Variants in TUT4 observed in about 807,000 individuals in gnomAD.
TUT4 encodes terminal uridylyltransferase 4.
In TUT4, 36 loss-of-function variants were observed where a neutral mutation model predicts 192.2. The ratio of observed to expected loss-of-function variants is 0.19; its 90% confidence interval spans 0.14 to 0.25. The LOEUF is 0.25. Among genes scored for constraint, TUT4 ranks in the 10% least tolerant of loss-of-function variants. TUT4 has a pLI of 1.00. For synonymous variants in TUT4, 618 were observed against 666.0 expected (o/e 0.93, Z 1.11); for missense variants, 1,493 against 1,957.2 (o/e 0.76, Z 4.47).
intron 9 of TUT4, 109 bp from the exon 10 acceptor site, chr1:52,482,032 T>A: frequency 1.1e-6 from 1 of 890,594 alleles, no homozygotes; most frequent in Non-Finnish European, 1.5e-6. Context: ...CAAATGACAA[T>A]GAAAAATATA....
rs919559320 is a variant in TUT4, at chr1:52,502,609, C to CTTTTTTTTTTTT, written c.1000-5438_1000-5427dup. Among the ~76,000 whole-genome samples, 20 of 82,128 alleles carry CTTTTTTTTTTTT rather than the reference C, an allele frequency of 2.4e-4. 3 individuals carry two copies. The highest frequency in any genetic ancestry group is 1.0e-3 in the African/African-American group (19 of 18,640). 53.9% of individuals were successfully genotyped at this position (82,128 alleles called of 152,430 possible). A position where few individuals can be genotyped will look rare whatever the true frequency, so the allele number is the denominator to read the frequency against. ...TCATTAAGTAAGCCCTCTTAGCCCT[C>CTTTTTTTTTTTT]TTTTTTTTTTTTTTTTTTTTTTTGA... On this transcript the variant is annotated intron_variant, in intron 4 of 29. Coordinates refer to ENST00000257177, the MANE Select transcript of TUT4 (RefSeq NM_001009881.3).
At chr1:52,494,994 T>C (rs1046294365) in intron 6 of TUT4, among the ~76,000 whole-genome samples, 8 of 152,102 alleles carry the variant, frequency 5.3e-5, no homozygotes, top group Non-Finnish European at 2.9e-5. Flanking sequence ...TTAAGACACC[T>C]GACATATATT....
intron 5 of TUT4, among the ~76,000 whole-genome samples, chr1:52,495,982 A>C (rs536548900): frequency 1.3e-5 from 2 of 152,144 alleles, no homozygotes; most frequent in South Asian, 4.1e-4. Context: ...TAAACCTAAA[A>C]CCCAAAACAC....
At chr1:52,534,545 T>G (rs1350860360) in intron 1 of TUT4, among the ~76,000 whole-genome samples, 1 of 152,030 alleles carries the variant, frequency 6.6e-6, no homozygotes, top group African/African-American at 2.4e-5. Context: ...ACACCTCATT[T>G]AGTTAGGTAT....
intron 4 of TUT4, among the ~76,000 whole-genome samples, chr1:52,507,400 T>G (rs1191596664): frequency 6.6e-6 from 1 of 152,156 alleles, no homozygotes. Context: ...GGAGCCAACA[T>G]TGGGCTCAGG....
intron 24 of TUT4, 150 bp downstream of exon 24, chr1:52,445,637 A>G (rs1486707725): frequency 4.8e-6 from 3 of 621,034 alleles, no homozygotes; most frequent in Non-Finnish European, 5.6e-6. Context: ...TATATATCTC[A>G]CTATGGACTA....
chr1:52,437,897 G>C (rs146781660), intron 25 of TUT4, among the ~76,000 whole-genome samples: 1,826 of 151,988 alleles, frequency 0.012, 49 homozygotes, highest in African/African-American at 0.043. Context: ...GGAGGATGCA[G>C]TGAGCCGAGA....
intron 1 of TUT4, among the ~76,000 whole-genome samples, chr1:52,547,590 C>T (rs1440611178): frequency 6.6e-6 from 1 of 152,116 alleles, no homozygotes; most frequent in Non-Finnish European, 1.5e-5. Flanking sequence ...CACAGCAGCA[C>T]CATTCCTTAT....
chr1:52,494,468 G>GAT (rs1671966351), intron 6 of TUT4, among the ~76,000 whole-genome samples: 1 of 152,264 alleles, frequency 6.6e-6, no homozygotes, highest in African/African-American at 2.4e-5. Context: ...GAGGCAGGCG[G>GAT]ATCACCTGAG....
intron 4 of TUT4, among the ~76,000 whole-genome samples, chr1:52,498,555 G>A (rs1673095108): frequency 6.6e-6 from 1 of 151,612 alleles, no homozygotes; most frequent in Non-Finnish European, 1.5e-5. Flanking sequence ...TTTCACTTAG[G>A]ATCCATCCAA....
At chr1:52,468,959 G>A (rs997081301) in intron 14 of TUT4, among the ~76,000 whole-genome samples, 3 of 152,066 alleles carry the variant, frequency 2.0e-5, no homozygotes, top group African/African-American at 7.2e-5. Flanking sequence ...AATTTATTAA[G>A]AATTTGTTAT....
rs572566674 is a variant in TUT4, at chr1:52,543,666, T to C, written c.-94+9265A>G. Reference sequence around the variant, plus strand: ...GCCCAGGTAATTTTTGTATTTTTAGTAGGGACAGGGTTTCACCATGTTGGT... The same window carrying C: ...GCCCAGGTAATTTTTGTATTTTTAGCAGGGACAGGGTTTCACCATGTTGGT... On this transcript the variant is annotated intron_variant, in intron 1 of 29. Coordinates refer to ENST00000257177, the MANE Select transcript of TUT4 (RefSeq NM_001009881.3). Among the ~76,000 whole-genome samples the C allele has an allele frequency of 2.6e-4, 39 of 151,886 alleles. No individual in the cohort carries two copies. The South Asian group carries it at 6.9e-3, about 27-fold the overall frequency.
intron 2 of TUT4, among the ~76,000 whole-genome samples, chr1:52,521,468 C>T (rs1680249686): frequency 6.6e-6 from 1 of 151,228 alleles, no homozygotes; most frequent in South Asian, 2.1e-4. Flanking sequence ...AGTTCAAGAC[C>T]AGCCTGGCTA....
chr1:52,524,369 G>A (rs1170695908), intron 2 of TUT4, among the ~76,000 whole-genome samples: 2 of 151,670 alleles, frequency 1.3e-5, no homozygotes, highest in African/African-American at 4.8e-5. Context: ...TAAAAATACA[G>A]AAAATTAGCC....
At chr1:52,484,475 T>G (rs770917569) in intron 9 of TUT4, among the ~76,000 whole-genome samples, 1 of 152,186 alleles carries the variant, frequency 6.6e-6, no homozygotes, top group Non-Finnish European at 1.5e-5. Flanking sequence ...CACTGGATAC[T>G]GAGGACAACT....
At chr1:52,462,054 G>C (rs1557723904) in intron 16 of TUT4, 1 of 257,898 alleles carries the variant, frequency 3.9e-6, no homozygotes, top group East Asian at 9.1e-5. Flanking sequence ...GAAGCACAAA[G>C]ACAGGAGAAG....
intron 9 of TUT4, among the ~76,000 whole-genome samples, chr1:52,482,985 T>C (rs542513817): frequency 7.9e-5 from 12 of 152,334 alleles, no homozygotes; most frequent in African/African-American, 2.9e-4. Context: ...GAATCGTTTT[T>C]CCAAAATCAC....
intron 1 of TUT4, among the ~76,000 whole-genome samples, chr1:52,530,490 A>G (rs902005981): frequency 6.6e-6 from 1 of 152,158 alleles, no homozygotes; most frequent in African/African-American, 2.4e-5. Context: ...AAACAATCCA[A>G]TTACACTCTT....
At chr1:52,490,944 C>T (rs907521693) in intron 7 of TUT4, 143 bp from the exon 8 acceptor site, 1 of 701,244 alleles carries the variant, frequency 1.4e-6, no homozygotes, top group Non-Finnish European at 2.3e-6. Flanking sequence ...TGAGCACCAA[C>T]CCAGCGAAAT....
Sources: gnomAD v4.1 joint callset for allele counts (sites outside exome capture counted in the v4.1 genomes callset) on GRCh38, gnomAD v4.1.1 for gene constraint, MANE v1.5 for transcripts, NCBI Gene and HGNC (gene_info 2026-07-23, HGNC 2026-07-21) for gene names.